Variants in PLCB4 observed in about 807,000 individuals in gnomAD.
PLCB4 encodes the protein phospholipase C beta 4.
A neutral mutation model predicts 178.8 loss-of-function variants in PLCB4; 77 were observed. The observed-to-expected ratio is 0.43, with a 90% confidence interval of 0.36 to 0.52. The LOEUF (loss-of-function observed/expected upper bound fraction) is 0.52. PLCB4 is among the 20% of genes least tolerant of loss of function. The pLI is 0.00. For synonymous variants in PLCB4, 496 were observed against 490.8 expected, an observed-to-expected ratio of 1.01 and a Z score of -0.14; for missense variants, 1,024 against 1,453.4, an observed-to-expected ratio of 0.70 and a Z score of 4.80.
chr20:9,293,399 G>C (rs2094599384), intron 3 of PLCB4, among the ~76,000 whole-genome samples: 1 of 146,564 alleles, frequency 6.8e-6, no homozygotes. Context: ...GGGAAGGAAA[G>C]GAAAGGGAAG....
intron 3 of PLCB4, among the ~76,000 whole-genome samples, chr20:9,222,962 C>A (rs1009602773): frequency 3.9e-5 from 6 of 152,164 alleles, no homozygotes; most frequent in African/African-American, 1.4e-4. Context: ...TTGCTACTTC[C>A]ATTTTTGGAT....
chr20:9,415,878 T>C (rs2040207605), intron 25 of PLCB4, among the ~76,000 whole-genome samples: 1 of 152,126 alleles, frequency 6.6e-6, no homozygotes, highest in African/African-American at 2.4e-5. Flanking sequence ...TGGCTTCAGC[T>C]TCCCTATCAA....
chr20:9,090,510 G>GTTTTTTTT (rs1491024281), intron 1 of PLCB4, among the ~76,000 whole-genome samples: 1 of 96,324 alleles, frequency 1.0e-5, no homozygotes, highest in Non-Finnish European at 2.2e-5. Flanking sequence ...CATTTTTAGT[G>GTTTTTTTT]TGTTTTTTTT....
intron 27 of PLCB4, among the ~76,000 whole-genome samples, chr20:9,422,701 AT>A (rs1209612911): frequency 6.6e-6 from 1 of 152,098 alleles, no homozygotes; most frequent in Non-Finnish European, 1.5e-5. Flanking sequence ...CGTTTTTTTC[AT>A]TGCTAGCAAG....
At chr20:9,121,893 A>C (rs996984941) in intron 2 of PLCB4, among the ~76,000 whole-genome samples, 3 of 152,210 alleles carry the variant, frequency 2.0e-5, no homozygotes, top group African/African-American at 7.2e-5. Context: ...TTTGTGAATT[A>C]TAGCTGCAAA....
At position 9,468,566 on chromosome 20, in the gene PLCB4, C is replaced by T; in HGVS notation, c.3249-5C>T. 4.4e-6 allele frequency: 7 copies of T among 1,573,982 alleles called. No homozygotes were observed. Among genetic ancestry groups the T allele is most frequent in the South Asian group, 1.1e-5 (1 of 90,236 alleles). ...CCTGTTTGTTTTCTTGTTTTTAATA[C>T]ATAGGGAAAGCAAGGAAATGCGAGC... On this transcript the variant is annotated splice_region_variant and splice_polypyrimidine_tract_variant and intron_variant, in intron 35 of 39. Transcript: ENST00000378473.
intron 2 of PLCB4, among the ~76,000 whole-genome samples, chr20:9,128,894 G>T (rs1289262094): frequency 2.0e-5 from 3 of 152,030 alleles, no homozygotes; most frequent in Non-Finnish European, 4.4e-5. Flanking sequence ...GACTACTCTA[G>T]GTTCCCCATA....
chr20:9,224,691 C>T (rs1716605485), intron 3 of PLCB4, among the ~76,000 whole-genome samples: 1 of 152,140 alleles, frequency 6.6e-6, no homozygotes, highest in Non-Finnish European at 1.5e-5. Flanking sequence ...TAGGTTGATT[C>T]TCCTTTGCTC....
In PLCB4 at chr20:9,136,293, C is replaced by T. The variant is rs552244047; in HGVS notation, c.-79+39951C>T. Among the ~76,000 whole-genome samples the T allele has an allele frequency of 2.6e-5, 4 of 152,150 alleles. No individual in the cohort carries two copies. The South Asian group carries it at 8.3e-4, about 32-fold the overall frequency. On this transcript the variant is annotated intron_variant, in intron 2 of 39. Coordinates refer to ENST00000378473, the MANE Select transcript of PLCB4 (RefSeq NM_001377142.1). ...TTGGGAGGTGGTCCTGGGAAGCACC[C>T]GTAGGGGAGTGGAGGAAGTGAGATA...
intron 2 of PLCB4, among the ~76,000 whole-genome samples, chr20:9,114,334 G>A (rs2091706018): frequency 6.6e-6 from 1 of 152,070 alleles, no homozygotes; most frequent in South Asian, 2.1e-4. Context: ...TAGGAACGGA[G>A]AAGACAAAGT....
chr20:9,214,212 A>G (rs1265684348), intron 2 of PLCB4, among the ~76,000 whole-genome samples: 2 of 152,240 alleles, frequency 1.3e-5, no homozygotes, highest in African/African-American at 4.8e-5. Context: ...ACCCAAGATC[A>G]CAAAGATTTA....
chr20:9,161,517 ACC>A (rs2092887486), intron 2 of PLCB4, among the ~76,000 whole-genome samples: 1 of 152,218 alleles, frequency 6.6e-6, no homozygotes, highest in Admixed American at 6.5e-5. Context: ...GGCTGATTTT[ACC>A]ACCCAGGAGC....
At chr20:9,124,006 T>A (rs558179863) in intron 2 of PLCB4, among the ~76,000 whole-genome samples, 1 of 152,226 alleles carries the variant, frequency 6.6e-6, no homozygotes, top group Non-Finnish European at 1.5e-5. Flanking sequence ...CACATCTGTA[T>A]TTATGTATGC....
intron 2 of PLCB4, among the ~76,000 whole-genome samples, chr20:9,163,751 T>C (rs2092926379): frequency 6.6e-6 from 1 of 152,216 alleles, no homozygotes; most frequent in Admixed American, 6.5e-5. Flanking sequence ...ATTTATTATT[T>C]TTTACATGAT....
chr20:9,209,792 T>C (rs1266138813), intron 2 of PLCB4, among the ~76,000 whole-genome samples: 1 of 151,546 alleles, frequency 6.6e-6, no homozygotes, highest in Non-Finnish European at 1.5e-5. Context: ...TGAAACCCCG[T>C]CTCTACTAAA....
At chr20:9,444,299 C>T in intron 32 of PLCB4, 56 bp downstream of exon 32, 2 of 1,031,414 alleles carry the variant, frequency 1.9e-6, no homozygotes, top group South Asian at 2.7e-5. Flanking sequence ...CATTTGTAGC[C>T]AAAAACACTA....
intron 19 of PLCB4, among the ~76,000 whole-genome samples, chr20:9,397,099 TC>T (rs886999202): frequency 4.6e-5 from 7 of 152,180 alleles, no homozygotes; most frequent in Non-Finnish European, 7.4e-5. Context: ...AAGCCAATCC[TC>T]TCAAACCCTG....
At chr20:9,276,900 G>T (rs1260350572) in intron 3 of PLCB4, among the ~76,000 whole-genome samples, 1 of 152,036 alleles carries the variant, frequency 6.6e-6, no homozygotes, top group African/African-American at 2.4e-5. Context: ...TTGTAATCCT[G>T]CACTCCAGCC....
intron 3 of PLCB4, among the ~76,000 whole-genome samples, chr20:9,239,321 T>C (rs1360991171): frequency 6.6e-6 from 1 of 152,234 alleles, no homozygotes; most frequent in Non-Finnish European, 1.5e-5. Context: ...TACATCATGA[T>C]AGCTTTCCCA....
Sources: allele counts gnomAD v4.1 joint callset (sites outside exome capture counted in the v4.1 genomes callset), GRCh38; gene constraint gnomAD v4.1.1; transcripts MANE v1.5; gene names NCBI Gene and HGNC (gene_info 2026-07-23, HGNC 2026-07-21).